Variants in EPCAM observed in about 807,000 individuals in gnomAD.
The protein encoded by EPCAM is adenocarcinoma-associated antigen.
A neutral mutation model predicts 40.0 loss-of-function variants in EPCAM; 39 were observed. That is an observed-to-expected ratio of 0.98 (90% CI 0.76 to 1.27). The LOEUF (loss-of-function observed/expected upper bound fraction) is 1.27. Among genes scored for constraint, EPCAM ranks in the 50% most tolerant of loss-of-function variants. The probability of loss-of-function intolerance (pLI) is 0.00; values close to 1 mark genes in which losing one functional copy is unlikely to be tolerated. For missense variants in EPCAM, 503 were observed against 381.2 expected, an observed-to-expected ratio of 1.32 and a Z score of -2.66; for synonymous variants, 168 against 132.3, an observed-to-expected ratio of 1.27 and a Z score of -1.85.
At chr2:47,373,656 A>G (rs1671343296) in intron 2 of EPCAM, 86 bp downstream of exon 2, 2 of 1,437,890 alleles carry the variant, frequency 1.4e-6, no homozygotes, top group Non-Finnish European at 9.7e-7. Flanking sequence ...AAAGAGTTTT[A>G]TTGGCTTAAA....
intron 7 of EPCAM, among the ~76,000 whole-genome samples, chr2:47,381,085 CAAAAAAAAAAAAAAA>C (rs60299402): frequency 2.6e-5 from 1 of 38,998 alleles, no homozygotes; most frequent in Non-Finnish European, 4.3e-5. Flanking sequence ...GACTCTGTCT[CAAAAAAAAAAAAAAA>C]AAAAAAAAAA....
intron 4 of EPCAM, among the ~76,000 whole-genome samples, chr2:47,375,972 G>C (rs1671412250): frequency 6.6e-6 from 1 of 152,058 alleles, no homozygotes; most frequent in Non-Finnish European, 1.5e-5. Context: ...CCAAAGTGCT[G>C]CAATTACAGG....
At chr2:47,373,202 C>G (rs977521456) in intron 1 of EPCAM, among the ~76,000 whole-genome samples, 1 of 63,182 alleles carries the variant, frequency 1.6e-5, no homozygotes, top group Non-Finnish European at 2.8e-5. Flanking sequence ...GAGACCCTAT[C>G]TTTAAAAAAA....
rs749908516 is a variant in EPCAM at position 47,379,925 on chromosome 2, A to G, written c.814A>G (p.Ile272Val). The G allele has an allele frequency of 6.2e-7, 1 of 1,614,044 alleles. No individual in the cohort carries two copies. The highest frequency in any genetic ancestry group is 1.1e-5 in the South Asian group (1 of 91,068). ...TCTAAAAGCTGGTGTTATTGCTGTT[A>G]TTGTGGTTGTGGTGATAGCAGTTGT... Reference protein sequence around the residue: ...QGLKAGVIAVIVVVVIAVVAG... With the variant: ...QGLKAGVIAVVVVVVIAVVAG... Residue 272 changes from isoleucine (I) to valine (V), a missense_variant, in exon 7 of 9, where the codon ATT (isoleucine) becomes GTT (valine). Ile to Val is a conservative substitution (Grantham distance 29). Coordinates refer to ENST00000263735, the MANE Select transcript of EPCAM (RefSeq NM_002354.3).
intron 7 of EPCAM, 96 bp from the exon 8 acceptor site, chr2:47,385,070 G>C: frequency 2.1e-6 from 2 of 971,498 alleles, no homozygotes; most frequent in South Asian, 1.3e-5. Flanking sequence ...TTTTTTTTCA[G>C]ATCAAAATTA....
At position 47,373,870 on chromosome 2, in the gene EPCAM, A is replaced by G. The variant is rs1671350319; in HGVS notation, c.247A>G (p.Lys83Glu). The change falls in exon 3 of 9, where the codon AAA becomes GAA. Residue 83 changes from lysine to glutamate, a missense_variant. Lys to Glu is a moderately conservative substitution (Grantham distance 56). Transcript: ENST00000263735. ...MNGSKLGRRA[K>E]PEGALQNNDG... is the part of the protein sequence containing the mutation. ...TGGCTCAAAACTTGGGAGAAGAGCA[A>G]AACCTGAAGGGGCCCTCCAGAACAA... is the stretch of plus-strand genomic sequence containing the variant. 1.2e-6 allele frequency: 2 copies of G among 1,614,110 alleles called. No individual in the cohort carries two copies. The highest frequency in any genetic ancestry group is 1.7e-5 in the Admixed American group (1 of 59,994).
At chr2:47,385,784 A>G (rs1327411788) in intron 8 of EPCAM, among the ~76,000 whole-genome samples, 1 of 152,238 alleles carries the variant, frequency 6.6e-6, no homozygotes, top group Non-Finnish European at 1.5e-5. Flanking sequence ...TTTAGCAAGT[A>G]ATAAAAATAG....
intron 5 of EPCAM, among the ~76,000 whole-genome samples, chr2:47,377,932 T>C (rs750473468): frequency 9.9e-5 from 15 of 151,942 alleles, no homozygotes; most frequent in Non-Finnish European, 2.2e-4. Context: ...CTTTTTTTAC[T>C]CTTTAAAAAC....
At chr2:47,383,907 G>C (rs1270352061) in intron 7 of EPCAM, among the ~76,000 whole-genome samples, 1 of 151,862 alleles carries the variant, frequency 6.6e-6, no homozygotes, top group African/African-American at 2.4e-5. Flanking sequence ...AAAGTGCTGT[G>C]ATTATAGGCG....
chr2:47,383,733 C>T (rs189039242), intron 7 of EPCAM, among the ~76,000 whole-genome samples: 1 of 136,126 alleles, frequency 7.3e-6, no homozygotes, highest in African/African-American at 2.8e-5. Context: ...CTCCCAGGTT[C>T]AAGCCATTTT....
chr2:47,374,758 C>T (rs1040777175), intron 3 of EPCAM, among the ~76,000 whole-genome samples: 1 of 152,100 alleles, frequency 6.6e-6, no homozygotes, highest in Non-Finnish European at 1.5e-5. Flanking sequence ...ACTCTCCTGC[C>T]TTAGCCTCCT....
At position 47,369,420 on chromosome 2, in the gene EPCAM, C is replaced by G. The variant is rs973230051; in HGVS notation, c.-86C>G. 2.3e-6 allele frequency: 3 copies of G among 1,279,778 alleles called. No homozygotes were observed. Among genetic ancestry groups the G allele is most frequent in the Admixed American group, 4.0e-5 (1 of 24,826 alleles). The allele number at this position is 1,279,778 out of a possible 1,614,324, so 79.3% of individuals were successfully genotyped here. On this transcript the variant is annotated 5_prime_UTR_variant, in exon 1 of 9. Transcript: ENST00000263735. ...GTGCCCCAGGCCTCGCGCTGCCCGG[C>G]CGGCTCCTCGTGTCCCACTCCCGGC...
intron 5 of EPCAM, 152 bp downstream of exon 5, chr2:47,377,229 GTTTT>G: frequency 3.0e-6 from 2 of 662,116 alleles, no homozygotes; most frequent in Admixed American, 2.3e-5. Flanking sequence ...TCCTGTTACT[GTTTT>G]TTTTTGTTTG....
At chr2:47,383,591 CTG>C (rs1671654211) in intron 7 of EPCAM, among the ~76,000 whole-genome samples, 1 of 131,352 alleles carries the variant, frequency 7.6e-6, no homozygotes, top group African/African-American at 2.9e-5. Flanking sequence ...GCATGAGCCA[CTG>C]TGCCCGGCTT....
At chr2:47,382,003 A>G (rs923949954) in intron 7 of EPCAM, among the ~76,000 whole-genome samples, 2 of 152,130 alleles carry the variant, frequency 1.3e-5, no homozygotes, top group African/African-American at 4.8e-5. Context: ...CCTAGGCTCA[A>G]GCAGTTCTTT....
At chr2:47,381,554 C>T (rs1424253923) in intron 7 of EPCAM, among the ~76,000 whole-genome samples, 1 of 152,120 alleles carries the variant, frequency 6.6e-6, no homozygotes, top group Non-Finnish European at 1.5e-5. Flanking sequence ...CCAGGCTGGC[C>T]ATATTGCCCA....
rs747098539 is a variant in EPCAM at position 47,374,036 on chromosome 2, G to A, written c.413G>A (p.Arg138Gln). ...DKDTEITCSE[R>Q]VRTYWIIIEL... ...GACACTGAAATAACCTGCTCTGAGC[G>A]AGTGAGAACCTAGTGAGTGGGGCTG... The change falls in exon 3 of 9, where the codon CGA becomes CAA. Residue 138 changes from arginine to glutamine, a missense_variant. Transcript: ENST00000263735. The A allele has an allele frequency of 3.7e-6, 6 of 1,614,078 alleles. No individual in the cohort carries two copies. The highest frequency in any genetic ancestry group is 2.2e-5 in the East Asian group (1 of 44,902).
chr2:47,376,988 T>C lies in EPCAM; in HGVS notation c.492-26T>C, dbSNP rs761212041. 1.8e-5 allele frequency: 27 copies of C among 1,527,660 alleles called. 1 individual carries two copies. The South Asian group carries it at 2.9e-4, about 16-fold the overall frequency. 94.6% of individuals were successfully genotyped at this position (1,527,660 alleles called of 1,614,324 possible). A position where few individuals can be genotyped will look rare whatever the true frequency, so the allele number is the denominator to read the frequency against. On this transcript the variant is annotated intron_variant, in intron 4 of 8. Coordinates refer to ENST00000263735, the MANE Select transcript of EPCAM (RefSeq NM_002354.3). Reference sequence around the variant, plus strand: ...GTTGTGTGGTACAAACATTTTTTTTTAATACAGATTTTAAATTCTTTACAG... The same window carrying C: ...GTTGTGTGGTACAAACATTTTTTTTCAATACAGATTTTAAATTCTTTACAG...
chr2:47,377,952 G>C (rs1040714783), intron 5 of EPCAM, among the ~76,000 whole-genome samples: 14 of 152,024 alleles, frequency 9.2e-5, no homozygotes, highest in African/African-American at 3.4e-4. Flanking sequence ...CAAAATGATG[G>C]CCGGGCACGG....
Sources: allele counts gnomAD v4.1 joint callset (sites outside exome capture counted in the v4.1 genomes callset), GRCh38; gene constraint gnomAD v4.1.1; transcripts MANE v1.5; gene names NCBI Gene and HGNC (gene_info 2026-07-23, HGNC 2026-07-21).